GABRG3: variants seen among roughly 807,000 people sequenced by gnomAD.
The protein encoded by GABRG3 is gamma-aminobutyric acid receptor subunit gamma-3.
A neutral mutation model predicts 48.8 loss-of-function variants in GABRG3; 25 were observed. The observed-to-expected ratio is 0.51, with a 90% CI of 0.37 to 0.72. The LOEUF is 0.72. Among genes scored for constraint, GABRG3 ranks in the 30% least tolerant of loss-of-function variants. The pLI, the probability that GABRG3 is intolerant of heterozygous loss-of-function variation, is 0.00. For synonymous variants in GABRG3, 227 were observed against 217.6 expected (o/e 1.04, Z -0.38); for missense variants, 394 against 577.9 (o/e 0.68, Z 3.26).
At chr15:26,998,411 G>A (rs1469644730) in intron 2 of GABRG3, among the ~76,000 whole-genome samples, 1 of 152,148 alleles carries the variant, frequency 6.6e-6, no homozygotes, top group African/African-American at 2.4e-5. Flanking sequence ...CAGGGCCTGG[G>A]ACAGCAGCCC....
intron 5 of GABRG3, among the ~76,000 whole-genome samples, chr15:27,442,404 A>C (rs1279221279): frequency 2.0e-5 from 3 of 152,228 alleles, no homozygotes; most frequent in Non-Finnish European, 2.9e-5. Flanking sequence ...GACGGACCAA[A>C]GGAGTGACAG....
intron 5 of GABRG3, among the ~76,000 whole-genome samples, chr15:27,391,106 A>G (rs546695458): frequency 3.3e-5 from 5 of 152,070 alleles, no homozygotes; most frequent in South Asian, 4.1e-4. Context: ...AAAAGACACA[A>G]TCCCTCAGGT....
At chr15:27,369,806 C>CAAAAAAAAAAAAAAAAA (rs34901488) in intron 5 of GABRG3, among the ~76,000 whole-genome samples, 2 of 30,272 alleles carry the variant, frequency 6.6e-5, no homozygotes, top group African/African-American at 1.8e-4. Flanking sequence ...GACTCCGTCT[C>CAAAAAAAAAAAAAAAAA]AAAAAAAAAA....
intron 6 of GABRG3, among the ~76,000 whole-genome samples, chr15:27,483,838 G>C: frequency 6.6e-6 from 1 of 152,160 alleles, no homozygotes; most frequent in East Asian, 1.9e-4. Flanking sequence ...TCTCTCTGCC[G>C]TCTTTATGCC....
chr15:27,114,881 G>T (rs1453062937), intron 3 of GABRG3, among the ~76,000 whole-genome samples: 1 of 151,984 alleles, frequency 6.6e-6, no homozygotes, highest in Non-Finnish European at 1.5e-5. Context: ...CCATCACATG[G>T]AACTCGCAGA....
At chr15:27,257,265 A>G (rs1276966194) in intron 3 of GABRG3, among the ~76,000 whole-genome samples, 3 of 151,456 alleles carry the variant, frequency 2.0e-5, no homozygotes, top group Admixed American at 6.6e-5. Context: ...TTTTCTTGCT[A>G]TTGAATTGGG....
intron 3 of GABRG3, among the ~76,000 whole-genome samples, chr15:27,241,331 C>T (rs527658090): frequency 6.6e-6 from 1 of 152,286 alleles, no homozygotes; most frequent in East Asian, 1.9e-4. Context: ...TTTGTTTCCT[C>T]CTGTATTCTT....
chr15:27,210,703 C>T (rs12907392), intron 3 of GABRG3, among the ~76,000 whole-genome samples: 38,304 of 152,120 alleles, frequency 0.25, 5,447 homozygotes, highest in South Asian at 0.45. Context: ...AGTCAAGTGT[C>T]AGCAGGGTGG....
chr15:27,262,685 T>G (rs898156237), intron 3 of GABRG3, among the ~76,000 whole-genome samples: 4 of 152,194 alleles, frequency 2.6e-5, no homozygotes, highest in Admixed American at 6.5e-5. Context: ...TTACATGACT[T>G]AGAAGAAATC....
At position 27,336,412 on chromosome 15, in the gene GABRG3, T is replaced by C. The variant is rs182065161; in HGVS notation, c.574+7524T>C. ...GTGATATTTACATGGAAAATCTGCATGTGAAAAGATGTTCAATGTCATCAG... is the reference window on the plus strand; with the variant it reads ...GTGATATTTACATGGAAAATCTGCACGTGAAAAGATGTTCAATGTCATCAG... On this transcript the variant is annotated intron_variant, in intron 5 of 9. Transcript: ENST00000615808. Among the ~76,000 whole-genome samples, 76 of 152,100 alleles carry C rather than the reference T, an allele frequency of 5.0e-4. No homozygotes were observed. In the Middle Eastern group the frequency reaches 0.01, roughly 20 times the overall value.
chr15:27,369,743 G>A (rs572140796), intron 5 of GABRG3, among the ~76,000 whole-genome samples: 2 of 145,988 alleles, frequency 1.4e-5, no homozygotes, highest in Non-Finnish European at 3.0e-5. Flanking sequence ...GGAGGTGGAG[G>A]TTGCAGTGAG....
At chr15:27,424,387 G>C (rs1360581455) in intron 5 of GABRG3, among the ~76,000 whole-genome samples, 1 of 152,090 alleles carries the variant, frequency 6.6e-6, no homozygotes, top group African/African-American at 2.4e-5. Context: ...TCTACTGAGG[G>C]CTGCCCTCTC....
chr15:27,058,368 G>A (rs1193250673), intron 3 of GABRG3, among the ~76,000 whole-genome samples: 2 of 152,148 alleles, frequency 1.3e-5, no homozygotes, highest in African/African-American at 4.8e-5. Flanking sequence ...TTTAGACGAG[G>A]GTAAAGATTT....
At chr15:27,211,146 C>T (rs914211229) in intron 3 of GABRG3, among the ~76,000 whole-genome samples, 1 of 152,124 alleles carries the variant, frequency 6.6e-6, no homozygotes, top group East Asian at 1.9e-4. Flanking sequence ...CTTGAATGTC[C>T]TCATCACACG....
chr15:27,098,616 G>A (rs1206626922), intron 3 of GABRG3, among the ~76,000 whole-genome samples: 2 of 152,090 alleles, frequency 1.3e-5, no homozygotes, highest in Non-Finnish European at 2.9e-5. Flanking sequence ...TAAAGAGTTT[G>A]AGCCTTCCCT....
chr15:27,264,594 T>TA (rs1488112476), intron 3 of GABRG3, among the ~76,000 whole-genome samples: 1 of 139,614 alleles, frequency 7.2e-6, no homozygotes, highest in East Asian at 2.0e-4. Flanking sequence ...AAAAAATTTA[T>TA]AAAAAACCCT....
intron 3 of GABRG3, among the ~76,000 whole-genome samples, chr15:27,311,939 A>T (rs1212102028): frequency 6.6e-6 from 1 of 152,206 alleles, no homozygotes; most frequent in Non-Finnish European, 1.5e-5. Flanking sequence ...AGGAAAATGA[A>T]GAAACGGTAA....
chr15:26,971,492 C>T lies in GABRG3; in HGVS notation c.-44C>T, dbSNP rs1295398436. The T allele has an allele frequency of 2.1e-6, 3 of 1,455,924 alleles. 1 individual carries two copies. The highest frequency in any genetic ancestry group is 4.7e-5 in the Admixed American group (2 of 42,400). The allele number at this position is 1,455,924 out of a possible 1,614,324, so 90.2% of individuals were successfully genotyped here. On this transcript the variant is annotated 5_prime_UTR_variant, in exon 1 of 10. Coordinates refer to ENST00000615808, the MANE Select transcript of GABRG3 (RefSeq NM_033223.5). ...CAGGTCCGCGCCGGAGGAAGCCGCG[C>T]CCGGCCGAGGCCCCGGACCCTGCGC... is the stretch of plus-strand genomic sequence containing the variant.
chr15:27,117,891 T>G (rs2140374484), intron 3 of GABRG3, among the ~76,000 whole-genome samples: 1 of 152,270 alleles, frequency 6.6e-6, no homozygotes. Context: ...TATTCTGATC[T>G]TTGTTTTACA....
Sources: allele counts gnomAD v4.1 joint callset (sites outside exome capture counted in the v4.1 genomes callset), GRCh38; gene constraint gnomAD v4.1.1; transcripts MANE v1.5; gene names NCBI Gene and HGNC (gene_info 2026-07-23, HGNC 2026-07-21).